Variants in MCPH1 observed in about 807,000 individuals in gnomAD.
The protein encoded by MCPH1 is microcephalin.
In MCPH1, 104 loss-of-function variants were observed where a neutral mutation model predicts 84.5. That is an observed-to-expected ratio of 1.23 (90% CI 1.05 to 1.45). MCPH1 has a LOEUF of 1.45. Among genes scored for constraint, MCPH1 ranks in the 40% most tolerant of loss-of-function variants. The pLI is 0.00. For synonymous variants in MCPH1, 514 were observed against 366.8 expected (o/e 1.40, Z -4.58); for missense variants, 1,498 against 1,005.7 (o/e 1.49, Z -6.62).
intron 1 of MCPH1, among the ~76,000 whole-genome samples, chr8:6,408,847 C>T (rs899786581): frequency 6.6e-6 from 1 of 152,070 alleles, no homozygotes; most frequent in African/African-American, 2.4e-5. Flanking sequence ...ACAGCATGAG[C>T]CACCACACCT....
intron 3 of MCPH1, among the ~76,000 whole-genome samples, chr8:6,426,482 T>C (rs1020916636): frequency 7.9e-5 from 12 of 152,266 alleles, no homozygotes; most frequent in African/African-American, 2.7e-4. Flanking sequence ...CTGAAGGTGA[T>C]GTTTTTGCGA....
Position 6,406,912 on chromosome 8 carries a change from G to A in MCPH1, c.22+223G>A, listed in dbSNP as rs530024711. Among the ~76,000 whole-genome samples the A allele has an allele frequency of 5.8e-5, 5 of 86,196 alleles. No homozygotes were observed. The East Asian group carries it at 2.2e-3, about 38-fold the overall frequency. The allele number at this position is 86,196 out of a possible 152,430, so 56.5% of individuals were successfully genotyped here. ...CGCTGCCTGTCCCCCCAAAACCCCC[G>A]GCTGCCTGCTTCGTCTCCCGTGCTC... On this transcript the variant is annotated intron_variant, in intron 1 of 13. Coordinates refer to ENST00000344683, the MANE Select transcript of MCPH1 (RefSeq NM_024596.5).
chr8:6,482,304 T>C (rs902526127), intron 11 of MCPH1, among the ~76,000 whole-genome samples: 1 of 152,194 alleles, frequency 6.6e-6, no homozygotes. Flanking sequence ...AAATGACTCT[T>C]TGACCTGTGA....
chr8:6,445,964 G>C (rs893115381), intron 8 of MCPH1: 1 of 981,716 alleles, frequency 1.0e-6, no homozygotes, highest in African/African-American at 1.7e-5. Flanking sequence ...AAGAAATTAA[G>C]GTAGATTAAG....
chr8:6,523,064 C>A (rs1392445563), intron 12 of MCPH1, among the ~76,000 whole-genome samples: 1 of 151,786 alleles, frequency 6.6e-6, no homozygotes, highest in East Asian at 2.0e-4. Context: ...AGGGTGCCAT[C>A]TTGGCTCACT....
chr8:6,555,734 A>AT (rs1824495902), intron 12 of MCPH1, among the ~76,000 whole-genome samples: 2 of 152,168 alleles, frequency 1.3e-5, no homozygotes, highest in Admixed American at 6.5e-5. Flanking sequence ...AAGTGCTGCG[A>AT]TTACAGGCAT....
chr8:6,627,014 G>A (rs1796775837), intron 13 of MCPH1: 5 of 984,850 alleles, frequency 5.1e-6, no homozygotes, highest in Non-Finnish European at 6.0e-6. Flanking sequence ...GCCTCCGCCT[G>A]ATTTTCTTAT....
intron 12 of MCPH1, among the ~76,000 whole-genome samples, chr8:6,589,335 G>A (rs73509269): frequency 0.028 from 4,315 of 152,226 alleles, 208 homozygotes; most frequent in African/African-American, 0.097. Context: ...ATAGTGAGTG[G>A]AGAATATTTA....
chr8:6,617,916 T>TA (rs1831003943), intron 12 of MCPH1, among the ~76,000 whole-genome samples: 1 of 151,412 alleles, frequency 6.6e-6, no homozygotes, highest in African/African-American at 2.4e-5. Context: ...TCTATCTATC[T>TA]ATCTATCTAT....
intron 3 of MCPH1, among the ~76,000 whole-genome samples, chr8:6,426,577 C>T (rs1801093213): frequency 6.6e-6 from 1 of 152,178 alleles, no homozygotes; most frequent in African/African-American, 2.4e-5. Context: ...TTGGTGCCAC[C>T]AGTTGATGGA....
intron 12 of MCPH1, among the ~76,000 whole-genome samples, chr8:6,591,756 G>T (rs552932659): frequency 1.3e-5 from 2 of 152,148 alleles, no homozygotes; most frequent in Non-Finnish European, 2.9e-5. Context: ...ATAGAAGGGC[G>T]TTCAAATTCC....
chr8:6,432,631 C>T (rs186089614), intron 4 of MCPH1, among the ~76,000 whole-genome samples: 1 of 152,372 alleles, frequency 6.6e-6, no homozygotes, highest in African/African-American at 2.4e-5. Flanking sequence ...GATTTGATGA[C>T]TTTCTCCAAA....
At chr8:6,522,223 C>A (rs540881058) in intron 12 of MCPH1, among the ~76,000 whole-genome samples, 1 of 151,972 alleles carries the variant, frequency 6.6e-6, no homozygotes, top group Admixed American at 6.5e-5. Flanking sequence ...GGCGTGGTGG[C>A]GGGCGCCTGT....
chr8:6,568,958 T>C (rs1323738175), intron 12 of MCPH1, among the ~76,000 whole-genome samples: 1 of 152,188 alleles, frequency 6.6e-6, no homozygotes, highest in East Asian at 1.9e-4. Flanking sequence ...GACACTATGT[T>C]TTGATTTGAG....
At chr8:6,509,383 C>A (rs1398997855) in intron 12 of MCPH1, among the ~76,000 whole-genome samples, 1 of 152,208 alleles carries the variant, frequency 6.6e-6, no homozygotes, top group Non-Finnish European at 1.5e-5. Context: ...CAGCACCAGG[C>A]TCCTCCTCCC....
intron 12 of MCPH1, among the ~76,000 whole-genome samples, chr8:6,555,635 T>A (rs996444530): frequency 2.0e-5 from 3 of 152,022 alleles, no homozygotes; most frequent in Non-Finnish European, 4.4e-5. Context: ...GTGATTTTTA[T>A]ATTTTTTGGT....
rs115269278 is a variant in MCPH1 at position 6,576,347 on chromosome 8, C to G, written c.2215-45107C>G. Among the ~76,000 whole-genome samples the G allele has an allele frequency of 6.6e-3, 1,002 of 152,168 alleles. 10 individuals carry two copies. The highest frequency in any genetic ancestry group is 0.022 in the African/African-American group (927 of 41,426). ...GGGGCTGACCTCAGGGCCTCCAGCA[C>G]TTAGGCACTTATCCATATGTCTGTA... On this transcript the variant is annotated intron_variant, in intron 12 of 13. Coordinates refer to ENST00000344683, the MANE Select transcript of MCPH1 (RefSeq NM_024596.5).
At chr8:6,537,582 A>T (rs1395757762) in intron 12 of MCPH1, among the ~76,000 whole-genome samples, 1 of 151,638 alleles carries the variant, frequency 6.6e-6, no homozygotes, top group Non-Finnish European at 1.5e-5. Flanking sequence ...ATATATATAT[A>T]TTTTAGTGCA....
At chr8:6,414,998 C>G in intron 3 of MCPH1, 115 bp downstream of exon 3, 1 of 1,044,334 alleles carries the variant, frequency 9.6e-7, no homozygotes, top group Non-Finnish European at 1.4e-6. Flanking sequence ...TTTTCTCTGC[C>G]TCTTACCTCA....
Sources: allele counts gnomAD v4.1 joint callset (sites outside exome capture counted in the v4.1 genomes callset), GRCh38; gene constraint gnomAD v4.1.1; transcripts MANE v1.5; gene names NCBI Gene and HGNC (gene_info 2026-07-23, HGNC 2026-07-21).